Variants in OXSR1 observed in about 807,000 individuals in gnomAD.
OXSR1 encodes the protein serine/threonine-protein kinase OSR1.
In OXSR1, 24 loss-of-function variants were observed where a neutral mutation model predicts 79.8. That is an observed-to-expected ratio of 0.30 (90% CI 0.22 to 0.42). OXSR1 has a LOEUF of 0.42. OXSR1 is among the 10% of genes least tolerant of loss of function. OXSR1 has a pLI of 1.00. For missense variants in OXSR1, 430 were observed against 618.4 expected (o/e 0.70, Z 3.23); for synonymous variants, 226 against 209.2 (o/e 1.08, Z -0.69).
At chr3:38,168,274 T>C (rs1160466795) in intron 1 of OXSR1, among the ~76,000 whole-genome samples, 1 of 152,232 alleles carries the variant, frequency 6.6e-6, no homozygotes, top group Non-Finnish European at 1.5e-5. Flanking sequence ...CCCTGTGTCG[T>C]ACAACTATCA....
At chr3:38,203,292 C>T (rs1702201960) in intron 4 of OXSR1, among the ~76,000 whole-genome samples, 1 of 152,200 alleles carries the variant, frequency 6.6e-6, no homozygotes, top group African/African-American at 2.4e-5. Flanking sequence ...ATTCACCCTC[C>T]TTACCCTGCC....
At chr3:38,200,092 T>G (rs1702136322) in intron 4 of OXSR1, among the ~76,000 whole-genome samples, 1 of 152,200 alleles carries the variant, frequency 6.6e-6, no homozygotes, top group Non-Finnish European at 1.5e-5. Context: ...CCGGCTGTAC[T>G]GCATATGGGG....
chr3:38,195,340 A>T (rs1702054484), intron 3 of OXSR1, among the ~76,000 whole-genome samples: 1 of 152,200 alleles, frequency 6.6e-6, no homozygotes, highest in Non-Finnish European at 1.5e-5. Context: ...TAAGAGATAA[A>T]ATGCATGGGG....
At chr3:38,216,611 T>G (rs1702487017) in intron 5 of OXSR1, among the ~76,000 whole-genome samples, 1 of 152,086 alleles carries the variant, frequency 6.6e-6, no homozygotes, top group South Asian at 2.1e-4. Flanking sequence ...GCTGAAGGGA[T>G]AAGAGTTGCA....
At chr3:38,220,781 G>A (rs1702573087) in intron 5 of OXSR1, among the ~76,000 whole-genome samples, 1 of 152,170 alleles carries the variant, frequency 6.6e-6, no homozygotes, top group South Asian at 2.1e-4. Context: ...GGATTAAGGT[G>A]TCTAACCCTG....
At chr3:38,185,695 C>T (rs1701872512) in intron 2 of OXSR1, among the ~76,000 whole-genome samples, 1 of 152,034 alleles carries the variant, frequency 6.6e-6, no homozygotes, top group Non-Finnish European at 1.5e-5. Context: ...GTAATCCCAC[C>T]ACTTTGGGAG....
At position 38,165,601 on chromosome 3, in the gene OXSR1, C is replaced by A. The variant is rs989060320; in HGVS notation, c.-276C>A. The stretch of plus-strand genomic sequence containing the variant: ...GGCTGGGCCCAGGCAAAGCTTCTGT[C>A]GCTGCTGCTGCGGAGGCCGAGGACA... On this transcript the variant is annotated 5_prime_UTR_variant, in exon 1 of 18. Coordinates refer to ENST00000311806, the MANE Select transcript of OXSR1 (RefSeq NM_005109.3). 9 of 428,586 alleles carry A rather than the reference C, an allele frequency of 2.1e-5. No homozygotes were observed. Among genetic ancestry groups the A allele is most frequent in the African/African-American group, 1.7e-4 (8 of 47,010 alleles). 26.5% of individuals were successfully genotyped at this position (428,586 alleles called of 1,614,324 possible). A position where few individuals can be genotyped will look rare whatever the true frequency, so the allele number is the denominator to read the frequency against.
At chr3:38,251,604 T>C (rs1395928499) in intron 16 of OXSR1, 133 bp downstream of exon 16, 2 of 716,168 alleles carry the variant, frequency 2.8e-6, no homozygotes, top group Non-Finnish European at 5.0e-6. Flanking sequence ...CCTGAAATTA[T>C]AGGTAATGGG....
chr3:38,220,547 G>A (rs1464648531), intron 5 of OXSR1, among the ~76,000 whole-genome samples: 2 of 152,096 alleles, frequency 1.3e-5, no homozygotes, highest in South Asian at 4.1e-4. Flanking sequence ...AGTTCTTTTG[G>A]TTGTATTGGA....
intron 1 of OXSR1, among the ~76,000 whole-genome samples, chr3:38,167,891 GT>G (rs10707866): frequency 0.54 from 78,239 of 143,842 alleles, 21,249 homozygotes; most frequent in East Asian, 0.72. Flanking sequence ...TAAAAGAAGA[GT>G]TTTTTTTTTT....
At chr3:38,196,733 C>T (rs1702078493) in intron 3 of OXSR1, among the ~76,000 whole-genome samples, 1 of 152,152 alleles carries the variant, frequency 6.6e-6, no homozygotes, top group East Asian at 1.9e-4. Context: ...ATATTTGATG[C>T]TGCATTTGTT....
intron 10 of OXSR1, among the ~76,000 whole-genome samples, chr3:38,234,608 G>A (rs553975123): frequency 6.6e-6 from 1 of 152,230 alleles, no homozygotes; most frequent in Non-Finnish European, 1.5e-5. Flanking sequence ...TGGTAAAGAT[G>A]TGGAGAGATT....
intron 14 of OXSR1, among the ~76,000 whole-genome samples, chr3:38,248,115 A>G (rs1282634816): frequency 6.6e-6 from 1 of 152,152 alleles, no homozygotes; most frequent in Non-Finnish European, 1.5e-5. Context: ...TCTGAGATCA[A>G]CTAACCCAAG....
intron 3 of OXSR1, 100 bp downstream of exon 3, chr3:38,190,939 A>T (rs1362135500): frequency 2.9e-6 from 2 of 694,584 alleles, no homozygotes; most frequent in Admixed American, 5.2e-5. Flanking sequence ...GGACATTTGC[A>T]TTTGAGGAGA....
At chr3:38,213,214 G>A (rs1317538935) in intron 4 of OXSR1, among the ~76,000 whole-genome samples, 1 of 152,280 alleles carries the variant, frequency 6.6e-6, no homozygotes, top group South Asian at 2.1e-4. Context: ...AGTCTTCTCA[G>A]CATCACTGAT....
At chr3:38,220,611 T>C (rs996285553) in intron 5 of OXSR1, among the ~76,000 whole-genome samples, 2 of 152,192 alleles carry the variant, frequency 1.3e-5, no homozygotes, top group Non-Finnish European at 1.5e-5. Flanking sequence ...CACTAGGAAA[T>C]ACACAGAATA....
In OXSR1 at chr3:38,215,955, A is replaced by G. The variant is rs34677953; in HGVS notation, c.435-141A>G. 445 of 622,198 alleles carry G rather than the reference A, an allele frequency of 7.2e-4. 1 individual carries two copies. The African/African-American group carries it at 7.3e-3, about 10-fold the overall frequency. 38.5% of individuals were successfully genotyped at this position (622,198 alleles called of 1,614,324 possible). ...TAGTACCAGTGACAACAATTTTACT[A>G]TTAGTCTTAATATCCTTTAATATAA... On this transcript the variant is annotated intron_variant, in intron 4 of 17. Coordinates refer to ENST00000311806, the MANE Select transcript of OXSR1 (RefSeq NM_005109.3).
intron 4 of OXSR1, among the ~76,000 whole-genome samples, chr3:38,206,799 T>C (rs1338710695): frequency 1.3e-5 from 2 of 152,246 alleles, no homozygotes; most frequent in Non-Finnish European, 2.9e-5. Context: ...CTTCATTGAT[T>C]AGCACAGTCT....
At chr3:38,182,255 C>T (rs1005932560) in intron 1 of OXSR1, among the ~76,000 whole-genome samples, 3 of 152,188 alleles carry the variant, frequency 2.0e-5, no homozygotes, top group African/African-American at 7.2e-5. Context: ...TTTGCTGCTG[C>T]TAAGGGCAGA....
Sources: allele counts gnomAD v4.1 joint callset (sites outside exome capture counted in the v4.1 genomes callset), GRCh38; gene constraint gnomAD v4.1.1; transcripts MANE v1.5; gene names NCBI Gene and HGNC (gene_info 2026-07-23, HGNC 2026-07-21).